Variants in ATP2B4 observed in about 807,000 individuals in gnomAD.
The protein encoded by ATP2B4 is plasma membrane calcium-transporting ATPase 4.
A neutral mutation model predicts 110.3 loss-of-function variants in ATP2B4; 39 were observed. The ratio of observed to expected loss-of-function variants is 0.35; its 90% CI spans 0.27 to 0.46. ATP2B4 has a LOEUF of 0.46. Among genes scored for constraint, ATP2B4 ranks in the 20% least tolerant of loss-of-function variants. The pLI is 1.00. For missense variants in ATP2B4, 1,135 were observed against 1,530.9 expected (o/e 0.74, Z 4.32); for synonymous variants, 538 against 571.7 (o/e 0.94, Z 0.84).
intron 19 of ATP2B4, among the ~76,000 whole-genome samples, chr1:203,726,600 G>A (rs1334648667): frequency 6.6e-6 from 1 of 152,070 alleles, no homozygotes; most frequent in Non-Finnish European, 1.5e-5. Context: ...TCCACATTCA[G>A]AGGCAGAGCT....
At chr1:203,653,592 A>G (rs986689468) in intron 1 of ATP2B4, among the ~76,000 whole-genome samples, 3 of 152,192 alleles carry the variant, frequency 2.0e-5, no homozygotes, top group Non-Finnish European at 4.4e-5. Context: ...ACTTCAAGTT[A>G]AAGTCAATGT....
In ATP2B4 at chr1:203,721,650, CTTTCTTTTTTTTTTTTTTTT is replaced by C. The variant is rs573119398; in HGVS notation, c.2812+250_2812+269del. On this transcript the variant is annotated intron_variant, in intron 17 of 20. Transcript: ENST00000357681. ...ACAAGGGAGGCTTTATTATTTCTTT[CTTTCTTTTTTTTTTTTTTTT>C]TTTCTTTTTGGAGACAGAGTCTCGC... is the stretch of plus-strand genomic sequence containing the variant. 2.7e-3 allele frequency among the ~76,000 whole-genome samples: 375 copies of C among 139,372 alleles called. 3 individuals carry two copies. The highest frequency in any genetic ancestry group is 3.6e-3 in the Non-Finnish European group (234 of 64,894). 91.4% of individuals were successfully genotyped at this position (139,372 alleles called of 152,430 possible). A position where few individuals can be genotyped will look rare whatever the true frequency, so the allele number is the denominator to read the frequency against.
chr1:203,707,745 TTG>T, intron 9 of ATP2B4, 115 bp from the exon 10 acceptor site: 1 of 1,410,916 alleles, frequency 7.1e-7, no homozygotes. Flanking sequence ...TCTTGGATTT[TTG>T]TGTGGGACTG....
chr1:203,721,105 T>C lies in ATP2B4; in HGVS notation c.2599-92T>C, dbSNP rs1666307689. On this transcript the variant is annotated intron_variant, in intron 16 of 20. Transcript: ENST00000357681. ...AGCTAGGAAGTGGCCAGATTCCAAG[T>C]CTAGGTGGGTCGTGGGAGCTGGGCC... is the stretch of plus-strand genomic sequence containing the variant. 19 of 1,338,568 alleles carry C rather than the reference T, an allele frequency of 1.4e-5. No individual in the cohort carries two copies. In the Admixed American group the frequency reaches 3.8e-4, roughly 27 times the overall value. The allele number at this position is 1,338,568 out of a possible 1,614,324, so 82.9% of individuals were successfully genotyped here. A position where few individuals can be genotyped will look rare whatever the true frequency, so the allele number is the denominator to read the frequency against.
chr1:203,739,840 G>C lies in ATP2B4; in HGVS notation c.3604G>C (p.Glu1202Gln). The C allele has an allele frequency of 6.2e-7, 1 of 1,606,418 alleles. No individual in the cohort carries two copies. Among genetic ancestry groups the C allele is most frequent in the Non-Finnish European group, 8.5e-7 (1 of 1,175,550 alleles). ...PQSDSSLQSL[E>Q]TSV ...GTCGGACAGCTCTCTACAGAGCCTA[G>C]AGACATCAGTTTGAATTTTCTTTCT... Residue 1202 changes from glutamate (E) to glutamine (Q), a missense_variant, in exon 21 of 21, where the codon GAG becomes CAG. This residue lies in a region of ATP2B4 where 92 missense variants were observed against 82.5 expected (regional missense o/e 1.11). Coordinates refer to ENST00000357681, the MANE Select transcript of ATP2B4 (RefSeq NM_001684.5).
intron 1 of ATP2B4, among the ~76,000 whole-genome samples, chr1:203,679,670 G>T (rs1664939552): frequency 6.6e-6 from 1 of 152,108 alleles, no homozygotes; most frequent in South Asian, 2.1e-4. Flanking sequence ...GGATCACAAG[G>T]TCAAGAGATC....
At chr1:203,729,570 A>C (rs754799588) in intron 20 of ATP2B4, 1 of 463,352 alleles carries the variant, frequency 2.2e-6, no homozygotes. Flanking sequence ...AAAGAAGAAG[A>C]AAAGTGGATT....
intron 1 of ATP2B4, among the ~76,000 whole-genome samples, chr1:203,667,919 T>C (rs578044321): frequency 1.2e-4 from 18 of 152,278 alleles, no homozygotes; most frequent in Middle Eastern, 3.4e-3. Context: ...TCTTGCTAAT[T>C]TGGAACAGCT....
chr1:203,674,082 C>T (rs1004184278), intron 1 of ATP2B4, among the ~76,000 whole-genome samples: 10 of 152,168 alleles, frequency 6.6e-5, no homozygotes, highest in African/African-American at 2.2e-4. Flanking sequence ...ATGCTGCTGC[C>T]GGAGGGCTGC....
rs530220412 is a variant in ATP2B4, at chr1:203,710,995, A to G, written c.1918A>G (p.Ile640Val). Residue 640 changes from isoleucine to valine, a missense_variant, in exon 12 of 21, where the codon ATA (isoleucine) becomes GTA (valine). Physicochemically the swap from Ile to Val is conservative, Grantham distance 29 (BLOSUM62 3). Coordinates refer to ENST00000357681, the MANE Select transcript of ATP2B4 (RefSeq NM_001684.5). ...MACDGLRTIC[I>V]AYRDFDDTEP... ...CTGTGATGGACTCCGGACTATCTGC[A>G]TAGCTTACCGGGACTTCGATGACAC... The G allele has an allele frequency of 4.5e-5, 73 of 1,614,134 alleles. 1 individual carries two copies. In the East Asian group the frequency reaches 1.5e-3, roughly 33 times the overall value.
chr1:203,711,896 C>G (rs1221690606), intron 12 of ATP2B4, 64 bp from the exon 13 acceptor site: 8 of 1,556,432 alleles, frequency 5.1e-6, no homozygotes, highest in Non-Finnish European at 7.0e-6. Context: ...GACAGACAAA[C>G]AGGGACAGCT....
At chr1:203,705,070 A>C (rs770191261) in intron 8 of ATP2B4, among the ~76,000 whole-genome samples, 1 of 152,178 alleles carries the variant, frequency 6.6e-6, no homozygotes, top group Non-Finnish European at 1.5e-5. Flanking sequence ...AATTTAAATT[A>C]ATTAAAAGTA....
intron 1 of ATP2B4, among the ~76,000 whole-genome samples, chr1:203,666,148 G>A (rs1191046508): frequency 6.6e-6 from 1 of 152,198 alleles, no homozygotes; most frequent in African/African-American, 2.4e-5. Context: ...GCAGAGCGGT[G>A]AGCAACTCTG....
rs150797192 is a variant in ATP2B4, at chr1:203,654,077, G to A, written c.-465+26858G>A. On this transcript the variant is annotated intron_variant, in intron 1 of 20. Transcript: ENST00000357681. ...CAGCTCACTGCTATGTCTGCCTCCC[G>A]TGTTCAAGCAATTCTCCTGTCTCAG... Among the ~76,000 whole-genome samples, 1,090 of 146,804 alleles carry A rather than the reference G, an allele frequency of 7.4e-3. 17 individuals are homozygous for A. The highest frequency in any genetic ancestry group is 0.023 in the African/African-American group (913 of 39,674).
intron 1 of ATP2B4, among the ~76,000 whole-genome samples, chr1:203,676,627 GA>G (rs1426006334): frequency 2.3e-4 from 35 of 152,320 alleles, no homozygotes; most frequent in African/African-American, 7.9e-4. Flanking sequence ...CTGGAAACAA[GA>G]GAGAGAATGC....
intron 3 of ATP2B4, 95 bp downstream of exon 3, chr1:203,698,449 TA>T (rs139986068): frequency 0.17 from 224,435 of 1,334,478 alleles, 20,538 homozygotes; most frequent in South Asian, 0.23. Flanking sequence ...GGTTATAGCT[TA>T]AAACATTTCC....
chr1:203,714,413 A>G lies in ATP2B4; in HGVS notation c.2406+136A>G, dbSNP rs1414029946. 1.2e-5 allele frequency: 9 copies of G among 782,530 alleles called. No homozygotes were observed. In the African/African-American group the frequency reaches 1.4e-4, roughly 12 times the overall value. 48.5% of individuals were successfully genotyped at this position (782,530 alleles called of 1,614,324 possible). Reference sequence around the variant, plus strand: ...TTTTTTGTCCAACTCCATCTCTCCTATCTACCGGGCCAATCATGATATATG... The same window carrying G: ...TTTTTTGTCCAACTCCATCTCTCCTGTCTACCGGGCCAATCATGATATATG... On this transcript the variant is annotated intron_variant, in intron 15 of 20. Transcript: ENST00000357681.
At chr1:203,709,168 A>T in intron 10 of ATP2B4, 133 bp from the exon 11 acceptor site, 1 of 1,328,894 alleles carries the variant, frequency 7.5e-7, no homozygotes. Context: ...AAAAAAGAAA[A>T]AAAAAAATGT....
chr1:203,627,494 G>A (rs1663124708), intron 1 of ATP2B4, among the ~76,000 whole-genome samples: 1 of 151,970 alleles, frequency 6.6e-6, no homozygotes, highest in South Asian at 2.1e-4. Flanking sequence ...GTAATGGAGG[G>A]TTCTCTTTTT....
Sources: allele counts gnomAD v4.1 joint callset (sites outside exome capture counted in the v4.1 genomes callset), GRCh38; gene constraint gnomAD v4.1.1; regional missense constraint gnomAD v4.1.1; transcripts MANE v1.5; gene names NCBI Gene and HGNC (gene_info 2026-07-23, HGNC 2026-07-21).